Variants in LIPC observed in about 807,000 individuals in gnomAD.
LIPC encodes lipase C, hepatic type.
In LIPC, 44 loss-of-function variants were observed where a neutral mutation model predicts 50.7. That is an observed-to-expected ratio of 0.87 (90% confidence interval 0.68 to 1.11). The LOEUF (loss-of-function observed/expected upper bound fraction) is 1.11. Among genes scored for constraint, LIPC ranks in the 50% most tolerant of loss-of-function variants. The pLI is 0.00. For missense variants in LIPC, 697 were observed against 648.2 expected (o/e 1.08, Z -0.82); for synonymous variants, 271 against 256.4 (o/e 1.06, Z -0.54).
intron 1 of LIPC, among the ~76,000 whole-genome samples, chr15:58,515,617 A>G (rs981860409): frequency 2.0e-5 from 3 of 151,856 alleles, no homozygotes; most frequent in African/African-American, 7.3e-5. Flanking sequence ...TCATCAGCCA[A>G]TCCCCTTATT....
chr15:58,457,442 A>G (rs991354448), intron 1 of LIPC, among the ~76,000 whole-genome samples: 2 of 152,054 alleles, frequency 1.3e-5, no homozygotes, highest in Non-Finnish European at 2.9e-5. Flanking sequence ...CCTCAAATTT[A>G]CCTGTGGACA....
chr15:58,434,538 G>C (rs1163910019), intron 1 of LIPC, among the ~76,000 whole-genome samples: 1 of 152,222 alleles, frequency 6.6e-6, no homozygotes, highest in Non-Finnish European at 1.5e-5. Context: ...TGAGGCCGCA[G>C]TGCTCTGTGT....
At chr15:58,468,618 T>G (rs1894662952) in intron 1 of LIPC, among the ~76,000 whole-genome samples, 1 of 152,178 alleles carries the variant, frequency 6.6e-6, no homozygotes, top group Non-Finnish European at 1.5e-5. Flanking sequence ...TCAGGGGATT[T>G]GTGATTAATA....
At chr15:58,432,373 T>A in intron 1 of LIPC, 1 of 534,688 alleles carries the variant, frequency 1.9e-6, no homozygotes, top group South Asian at 2.1e-5. Context: ...CTCTTGCGTA[T>A]CTGATATGGA....
In LIPC at chr15:58,560,604, T is replaced by G. The variant is rs199987265; in HGVS notation, c.1052-260T>G. Among the ~76,000 whole-genome samples, 4 of 152,310 alleles carry G rather than the reference T, an allele frequency of 2.6e-5. No homozygotes were observed. The East Asian group carries it at 7.7e-4, about 29-fold the overall frequency. On this transcript the variant is annotated intron_variant, in intron 6 of 8. Transcript: ENST00000299022. Reference sequence around the variant, plus strand: ...AATGCCAGATGTCCTATACTCCTATTCTGCCATCTTTTGTTGGTGAATATT... The same window carrying G: ...AATGCCAGATGTCCTATACTCCTATGCTGCCATCTTTTGTTGGTGAATATT...
intron 1 of LIPC, among the ~76,000 whole-genome samples, chr15:58,461,224 T>C (rs1485269605): frequency 1.3e-5 from 2 of 152,240 alleles, no homozygotes; most frequent in African/African-American, 2.4e-5. Flanking sequence ...CTGAAGGCTA[T>C]ACCAGTTATC....
chr15:58,493,549 T>C (rs1891659033), intron 1 of LIPC, among the ~76,000 whole-genome samples: 1 of 28,558 alleles, frequency 3.5e-5, no homozygotes, highest in Non-Finnish European at 9.5e-5. Flanking sequence ...ATATACAAAA[T>C]TTATTACATA....
intron 2 of LIPC, 100 bp downstream of exon 2, chr15:58,538,617 A>C: frequency 5.3e-6 from 6 of 1,131,696 alleles, no homozygotes; most frequent in African/African-American, 1.5e-5. Context: ...GCTGGTGATA[A>C]CAACTCCATG....
chr15:58,469,853 A>G (rs1894722778), intron 1 of LIPC, among the ~76,000 whole-genome samples: 1 of 152,164 alleles, frequency 6.6e-6, no homozygotes, highest in Admixed American at 6.5e-5. Context: ...ACTTCCCCCA[A>G]GAGAATAGAG....
chr15:58,537,654 G>A (rs1019720767), intron 1 of LIPC, among the ~76,000 whole-genome samples: 2 of 151,840 alleles, frequency 1.3e-5, no homozygotes, highest in African/African-American at 4.8e-5. Flanking sequence ...CCTGACCCCC[G>A]CAACAAAACA....
At chr15:58,482,636 A>G (rs1476049845) in intron 1 of LIPC, among the ~76,000 whole-genome samples, 1 of 152,198 alleles carries the variant, frequency 6.6e-6, no homozygotes, top group African/African-American at 2.4e-5. Flanking sequence ...GCTGGGACCA[A>G]TCCTCACTGA....
intron 1 of LIPC, among the ~76,000 whole-genome samples, chr15:58,459,389 AC>A (rs1894253518): frequency 7.3e-6 from 1 of 137,742 alleles, no homozygotes; most frequent in Non-Finnish European, 1.5e-5. Flanking sequence ...TGGAGAATCG[AC>A]TTTTTTCTTT....
At chr15:58,438,049 C>T (rs752207743) in intron 1 of LIPC, among the ~76,000 whole-genome samples, 7 of 152,108 alleles carry the variant, frequency 4.6e-5, no homozygotes, top group Non-Finnish European at 8.8e-5. Flanking sequence ...GCAGGGCTGA[C>T]GGTTGAAGGC....
chr15:58,447,170 A>G (rs976430654), intron 1 of LIPC, among the ~76,000 whole-genome samples: 5 of 143,560 alleles, frequency 3.5e-5, no homozygotes, highest in Non-Finnish European at 7.6e-5. Flanking sequence ...AAAAAAAAAA[A>G]AGGAAATGAG....
chr15:58,492,578 A>G (rs1244174906), intron 1 of LIPC, among the ~76,000 whole-genome samples: 1 of 152,136 alleles, frequency 6.6e-6, no homozygotes, highest in Non-Finnish European at 1.5e-5. Flanking sequence ...ACAAGAGCCC[A>G]AGTTCCCACT....
intron 2 of LIPC, among the ~76,000 whole-genome samples, chr15:58,539,006 C>CA (rs1477113842): frequency 2.4e-4 from 37 of 152,280 alleles, no homozygotes; most frequent in Non-Finnish European, 4.6e-4. Context: ...ATATGTAACC[C>CA]AAAAACCGGC....
chr15:58,488,848 G>T (rs1282264499), intron 1 of LIPC, among the ~76,000 whole-genome samples: 1 of 152,196 alleles, frequency 6.6e-6, no homozygotes, highest in Non-Finnish European at 1.5e-5. Context: ...ATCTAGGGAT[G>T]AATTCCCTAT....
At chr15:58,548,015 A>G (rs1319125387) in intron 5 of LIPC, among the ~76,000 whole-genome samples, 1 of 152,122 alleles carries the variant, frequency 6.6e-6, no homozygotes, top group Admixed American at 6.6e-5. Context: ...TCTCTTAATG[A>G]ATTTGATCTT....
intron 1 of LIPC, among the ~76,000 whole-genome samples, chr15:58,519,303 C>G (rs1256263185): frequency 2.7e-5 from 4 of 150,724 alleles, no homozygotes; most frequent in Non-Finnish European, 5.9e-5. Context: ...CCCAGCTACT[C>G]GGGAGGCCAA....
Sources: allele counts gnomAD v4.1 joint callset (sites outside exome capture counted in the v4.1 genomes callset), GRCh38; gene constraint gnomAD v4.1.1; transcripts MANE v1.5; gene names NCBI Gene and HGNC (gene_info 2026-07-23, HGNC 2026-07-21).